SLC36A4: variants seen among roughly 807,000 people sequenced by gnomAD.
SLC36A4 encodes the protein neutral amino acid uniporter 4.
In SLC36A4, 49 loss-of-function variants were observed where a neutral mutation model predicts 50.5. That is an observed-to-expected ratio of 0.97 (90% CI 0.77 to 1.23). SLC36A4 has a LOEUF of 1.23. Among genes scored for constraint, SLC36A4 ranks in the 50% most tolerant of loss-of-function variants. SLC36A4 has a pLI of 0.00. For missense variants in SLC36A4, 611 were observed against 608.4 expected, an observed-to-expected ratio of 1.00 and a Z score of -0.05; for synonymous variants, 207 against 206.5, an observed-to-expected ratio of 1.00 and a Z score of -0.02.
At chr11:93,187,497 T>C (rs1181154714) in intron 1 of SLC36A4, among the ~76,000 whole-genome samples, 1 of 152,222 alleles carries the variant, frequency 6.6e-6, no homozygotes, top group African/African-American at 2.4e-5. Context: ...TTCAACCACT[T>C]TATATCTCTG....
At chr11:93,167,346 A>G (rs1174841416) in intron 7 of SLC36A4, 3 of 152,260 alleles carry the variant, frequency 2.0e-5, no homozygotes, top group Middle Eastern at 3.4e-3. Context: ...CAAAACACAT[A>G]CATACATACA....
intron 10 of SLC36A4, among the ~76,000 whole-genome samples, chr11:93,149,757 C>T (rs1859993983): frequency 6.6e-6 from 1 of 151,936 alleles, no homozygotes; most frequent in South Asian, 2.1e-4. Flanking sequence ...TGGCTTATGT[C>T]CTGGACCAGA....
At chr11:93,164,215 CACAT>C (rs1424339707) in intron 8 of SLC36A4, among the ~76,000 whole-genome samples, 1 of 152,138 alleles carries the variant, frequency 6.6e-6, no homozygotes, top group Non-Finnish European at 1.5e-5. Flanking sequence ...CATGTATACT[CACAT>C]ACGTGTAACT....
intron 1 of SLC36A4, among the ~76,000 whole-genome samples, chr11:93,193,920 G>C (rs903744630): frequency 3.9e-5 from 6 of 152,080 alleles, no homozygotes; most frequent in African/African-American, 1.4e-4. Context: ...GTTGAAAATT[G>C]CGAAACAACC....
chr11:93,148,934 A>C, intron 10 of SLC36A4, 90 bp from the exon 11 acceptor site: 3 of 1,151,262 alleles, frequency 2.6e-6, no homozygotes, highest in Non-Finnish European at 3.7e-6. Context: ...ACTGAAAGTA[A>C]TTACTAGAAA....
At chr11:93,168,878 A>T (rs1713900006) in intron 6 of SLC36A4, among the ~76,000 whole-genome samples, 1 of 152,096 alleles carries the variant, frequency 6.6e-6, no homozygotes, top group African/African-American at 2.4e-5. Context: ...ATGATTTACA[A>T]ATATGATTTA....
Position 93,181,762 on chromosome 11 carries a change from A to G in SLC36A4, c.384T>C (p.Tyr128=), listed in dbSNP as rs1861749184. Residue 128 remains tyrosine (Y), a synonymous_variant, in exon 5 of 11, where the codon TAT becomes TAC. Coordinates refer to ENST00000326402, the MANE Select transcript of SLC36A4 (RefSeq NM_152313.4). ...CCATAGCAAAGCTCACAGTGTCACT[A>G]TAACCTAATGTTGACTTTTTAAACC... ...CLRFKKSTLG[Y]SDTVSFAMEV... 1 of 1,556,290 alleles carries G rather than the reference A, an allele frequency of 6.4e-7. No individual in the cohort carries two copies. Among genetic ancestry groups the G allele is most frequent in the South Asian group, 1.2e-5 (1 of 83,602 alleles).
At chr11:93,180,762 G>T in intron 6 of SLC36A4, 35 bp downstream of exon 6, 1 of 1,472,238 alleles carries the variant, frequency 6.8e-7, no homozygotes, top group South Asian at 1.2e-5. Flanking sequence ...GGCTTTAGAA[G>T]AAAATGATTT....
chr11:93,194,819 T>C (rs1302290283), intron 1 of SLC36A4, among the ~76,000 whole-genome samples: 2 of 152,170 alleles, frequency 1.3e-5, no homozygotes, highest in East Asian at 3.8e-4. Flanking sequence ...AGACCAGACC[T>C]TTCACTAATG....
intron 6 of SLC36A4, among the ~76,000 whole-genome samples, chr11:93,172,251 TTATTA>T (rs1861183570): frequency 6.6e-6 from 1 of 152,114 alleles, no homozygotes. Flanking sequence ...TAAAAACATT[TTATTA>T]TTTTATTTTT....
intron 7 of SLC36A4, chr11:93,167,488 A>G (rs918783678): frequency 6.5e-6 from 1 of 152,674 alleles, no homozygotes; most frequent in African/African-American, 2.4e-5. Flanking sequence ...GTTATTGCAT[A>G]TACTTCAGGT....
At chr11:93,159,848 G>A (rs572529746) in intron 9 of SLC36A4, 1 of 985,306 alleles carries the variant, frequency 1.0e-6, no homozygotes, top group East Asian at 1.1e-4. Context: ...TTTTCTTGCA[G>A]AAATAACCCT....
At chr11:93,153,322 T>C (rs1860189866) in intron 10 of SLC36A4, among the ~76,000 whole-genome samples, 1 of 152,124 alleles carries the variant, frequency 6.6e-6, no homozygotes, top group African/African-American at 2.4e-5. Context: ...ATATTTGTAG[T>C]TACAGTAATG....
intron 6 of SLC36A4, among the ~76,000 whole-genome samples, chr11:93,179,139 G>A (rs1003107315): frequency 6.6e-6 from 1 of 152,166 alleles, no homozygotes; most frequent in African/African-American, 2.4e-5. Flanking sequence ...AACCCTTTCA[G>A]TCCAGAAAGT....
At chr11:93,173,385 AT>A (rs1266354174) in intron 6 of SLC36A4, among the ~76,000 whole-genome samples, 1 of 142,738 alleles carries the variant, frequency 7.0e-6, no homozygotes, top group African/African-American at 2.6e-5. Context: ...ATTTTCTCCC[AT>A]TTTGTAGGTT....
At chr11:93,188,850 A>G (rs1383709025) in intron 1 of SLC36A4, among the ~76,000 whole-genome samples, 1 of 152,142 alleles carries the variant, frequency 6.6e-6, no homozygotes. Context: ...TCTAGAGGCT[A>G]TTAGTCTGAA....
intron 6 of SLC36A4, among the ~76,000 whole-genome samples, chr11:93,173,998 C>G (rs978301202): frequency 3.9e-4 from 58 of 148,748 alleles, no homozygotes; most frequent in Non-Finnish European, 6.9e-4. Context: ...TCATTGGTAG[C>G]TTGATGGGGA....
At chr11:93,189,544 A>G (rs1483517979) in intron 1 of SLC36A4, among the ~76,000 whole-genome samples, 1 of 152,174 alleles carries the variant, frequency 6.6e-6, no homozygotes, top group Non-Finnish European at 1.5e-5. Context: ...TTATTCCTAA[A>G]TGTACTCCAC....
At chr11:93,158,733 C>T (rs1473481722) in intron 9 of SLC36A4, among the ~76,000 whole-genome samples, 3 of 152,054 alleles carry the variant, frequency 2.0e-5, no homozygotes, top group South Asian at 2.1e-4. Context: ...ATTATCACAA[C>T]CTTTTCTTCA....
Sources: gnomAD v4.1 joint callset for allele counts (sites outside exome capture counted in the v4.1 genomes callset) on GRCh38, gnomAD v4.1.1 for gene constraint, MANE v1.5 for transcripts, NCBI Gene and HGNC (gene_info 2026-07-23, HGNC 2026-07-21) for gene names.